PDE7B: variants seen among roughly 807,000 people sequenced by gnomAD.
The protein encoded by PDE7B is phosphodiesterase 7B, also known as 3',5'-cyclic-AMP phosphodiesterase 7B.
In PDE7B, 29 loss-of-function variants were observed where a neutral mutation model predicts 56.2. The ratio of observed to expected loss-of-function variants is 0.52; its 90% CI spans 0.38 to 0.70. The LOEUF (loss-of-function observed/expected upper bound fraction) is 0.70, where lower values mean the gene tolerates loss of function less well. PDE7B is among the 30% of genes least tolerant of loss of function. The pLI, the probability that PDE7B is intolerant of heterozygous loss-of-function variation, is 0.00. For synonymous variants in PDE7B, 197 were observed against 196.9 expected, an observed-to-expected ratio of 1.00 and a Z score of 0.00; for missense variants, 490 against 565.0, an observed-to-expected ratio of 0.87 and a Z score of 1.35.
intron 1 of PDE7B, among the ~76,000 whole-genome samples, chr6:135,926,887 C>G (rs1216237075): frequency 6.6e-6 from 1 of 152,106 alleles, no homozygotes; most frequent in African/African-American, 2.4e-5. Context: ...AATGTTGACT[C>G]ATAAAGATTC....
chr6:136,096,414 G>A (rs926494998), intron 2 of PDE7B: 25 of 149,808 alleles, frequency 1.7e-4, no homozygotes, highest in African/African-American at 5.9e-4. Flanking sequence ...GGATCTACTT[G>A]GTATTTTATC....
At chr6:136,147,057 G>A (rs985585903) in intron 3 of PDE7B, among the ~76,000 whole-genome samples, 1 of 151,958 alleles carries the variant, frequency 6.6e-6, no homozygotes, top group Non-Finnish European at 1.5e-5. Context: ...CGGGAGGATC[G>A]CTTGAGCCCA....
In PDE7B at chr6:135,999,799, G is replaced by A. The variant is rs149024384; in HGVS notation, c.82+52275G>A. On this transcript the variant is annotated intron_variant, in intron 2 of 12. Coordinates refer to ENST00000308191, the MANE Select transcript of PDE7B (RefSeq NM_018945.4). ...TAGCCAGTAATGAGATTGCTGGGCCGAATAGTAGTTCTGATTTTAGCCCTT... is the reference window on the plus strand; with the variant it reads ...TAGCCAGTAATGAGATTGCTGGGCCAAATAGTAGTTCTGATTTTAGCCCTT... 3.6e-3 allele frequency among the ~76,000 whole-genome samples: 547 copies of A among 152,208 alleles called. 1 individual carries two copies. The highest frequency in any genetic ancestry group is 0.011 in the African/African-American group (453 of 41,530).
intron 2 of PDE7B, among the ~76,000 whole-genome samples, chr6:136,076,597 G>GT (rs760774649): frequency 1.3e-5 from 2 of 152,136 alleles, no homozygotes; most frequent in Non-Finnish European, 2.9e-5. Flanking sequence ...AAAAGAATTG[G>GT]TTCGAAGTCT....
intron 2 of PDE7B, among the ~76,000 whole-genome samples, chr6:136,000,848 G>A (rs1236340569): frequency 6.6e-6 from 1 of 152,204 alleles, no homozygotes. Context: ...GAGAGCAGTG[G>A]TTGTCCCAGC....
intron 2 of PDE7B, among the ~76,000 whole-genome samples, chr6:135,952,106 C>T (rs1774712503): frequency 6.6e-6 from 1 of 152,032 alleles, no homozygotes; most frequent in African/African-American, 2.4e-5. Flanking sequence ...CTTCCTAGCC[C>T]AGGGGTTTTT....
intron 3 of PDE7B, among the ~76,000 whole-genome samples, chr6:136,142,822 CTTTAT>C (rs1778350992): frequency 6.7e-6 from 1 of 149,240 alleles, no homozygotes; most frequent in South Asian, 2.2e-4. Flanking sequence ...TCCTCCATCC[CTTTAT>C]TTTGAGCCTA....
At chr6:135,987,009 CA>C (rs1775387635) in intron 2 of PDE7B, among the ~76,000 whole-genome samples, 1 of 152,160 alleles carries the variant, frequency 6.6e-6, no homozygotes, top group South Asian at 2.1e-4. Context: ...CTGATCCTGT[CA>C]ACTTTCTAGC....
At chr6:136,148,922 G>A (rs977604101) in intron 4 of PDE7B, among the ~76,000 whole-genome samples, 165 bp from the exon 5 acceptor site, 4 of 152,122 alleles carry the variant, frequency 2.6e-5, no homozygotes, top group Non-Finnish European at 5.9e-5. Flanking sequence ...TCACGCTGAG[G>A]CATTTGGATT....
chr6:135,852,074 CAGAG>C (rs1411808367), intron 1 of PDE7B, 55 bp downstream of exon 1: 67 of 1,188,892 alleles, frequency 5.6e-5, no homozygotes, highest in Non-Finnish European at 8.3e-5. Context: ...AATAGAGTCA[CAGAG>C]AGATGGCAGG....
At chr6:136,052,472 T>C (rs939990874) in intron 2 of PDE7B, among the ~76,000 whole-genome samples, 3 of 152,072 alleles carry the variant, frequency 2.0e-5, no homozygotes, top group Non-Finnish European at 2.9e-5. Flanking sequence ...CAGGCTCTTG[T>C]AGTGAAAGAC....
chr6:136,130,291 C>T (rs879403267), intron 3 of PDE7B, among the ~76,000 whole-genome samples: 7 of 152,114 alleles, frequency 4.6e-5, no homozygotes, highest in Non-Finnish European at 8.8e-5. Flanking sequence ...AAACCTCCTC[C>T]GATGGGTGCT....
intron 3 of PDE7B, among the ~76,000 whole-genome samples, chr6:136,140,346 C>G (rs1423785495): frequency 6.6e-6 from 1 of 152,118 alleles, no homozygotes; most frequent in Non-Finnish European, 1.5e-5. Flanking sequence ...GTTTTGGTAC[C>G]AGTACCATGC....
intron 5 of PDE7B, among the ~76,000 whole-genome samples, 198 bp downstream of exon 5, chr6:136,149,348 G>T (rs940078984): frequency 6.6e-6 from 1 of 152,174 alleles, no homozygotes; most frequent in African/African-American, 2.4e-5. Flanking sequence ...TTTGACCTTA[G>T]AATCTTAGGA....
chr6:136,130,762 G>C (rs1778104110), intron 3 of PDE7B, among the ~76,000 whole-genome samples: 1 of 152,140 alleles, frequency 6.6e-6, no homozygotes, highest in Admixed American at 6.6e-5. Context: ...TAAAGAAAAA[G>C]AGGTTTAATG....
In PDE7B at chr6:135,851,974, G is replaced by C; in HGVS notation, c.-25G>C. 1 of 1,597,720 alleles carries C rather than the reference G, an allele frequency of 6.3e-7. No individual in the cohort carries two copies. Among genetic ancestry groups the C allele is most frequent in the Non-Finnish European group, 8.6e-7 (1 of 1,165,304 alleles). On this transcript the variant is annotated 5_prime_UTR_variant, in exon 1 of 13. Transcript: ENST00000308191. ...CTCAGAGATTTCACGGCATTCAAAGGTCACAGAACTGCCACTATGGTTAAA... is the reference window on the plus strand; with the variant it reads ...CTCAGAGATTTCACGGCATTCAAAGCTCACAGAACTGCCACTATGGTTAAA...
At chr6:135,936,202 A>G (rs770633421) in intron 1 of PDE7B, among the ~76,000 whole-genome samples, 1 of 152,212 alleles carries the variant, frequency 6.6e-6, no homozygotes, top group Admixed American at 6.5e-5. Context: ...CAAGGAGCAC[A>G]TTATAAAGTA....
At chr6:135,912,281 G>GA (rs1159749865) in intron 1 of PDE7B, among the ~76,000 whole-genome samples, 20 of 151,406 alleles carry the variant, frequency 1.3e-4, no homozygotes, top group Admixed American at 1.2e-3. Flanking sequence ...GAAAATATTA[G>GA]AAAAAAATGA....
At chr6:136,172,484 TA>T (rs1239349245) in intron 8 of PDE7B, among the ~76,000 whole-genome samples, 1 of 152,214 alleles carries the variant, frequency 6.6e-6, no homozygotes, top group African/African-American at 2.4e-5. Flanking sequence ...TTAATGGGGT[TA>T]TTTTTTTCTT....
Sources: gnomAD v4.1 joint callset for allele counts (sites outside exome capture counted in the v4.1 genomes callset) on GRCh38, gnomAD v4.1.1 for gene constraint, MANE v1.5 for transcripts, NCBI Gene and HGNC (gene_info 2026-07-23, HGNC 2026-07-21) for gene names.